PTPRT: variants seen among roughly 807,000 people sequenced by gnomAD.
The protein encoded by PTPRT is receptor-type tyrosine-protein phosphatase T.
PTPRT carries 56 observed loss-of-function variants against 176.8 expected under a neutral mutation model. That is an observed-to-expected ratio of 0.32 (90% CI 0.26 to 0.40). The LOEUF (loss-of-function observed/expected upper bound fraction) is 0.40, where lower values mean the gene tolerates loss of function less well. Ranked by LOEUF, PTPRT falls within the 10% of genes least tolerant of loss-of-function variation. The pLI is 1.00. For synonymous variants in PTPRT, 783 were observed against 739.0 expected (o/e 1.06, Z -0.96); for missense variants, 1,540 against 1,908.2 (o/e 0.81, Z 3.60).
At chr20:42,604,032 A>T (rs1172890636) in intron 7 of PTPRT, among the ~76,000 whole-genome samples, 1 of 152,242 alleles carries the variant, frequency 6.6e-6, no homozygotes, top group Non-Finnish European at 1.5e-5. Context: ...GCACATAAAT[A>T]CACTGAAAAG....
chr20:43,158,658 C>T (rs899711970), intron 1 of PTPRT, among the ~76,000 whole-genome samples: 11 of 152,168 alleles, frequency 7.2e-5, no homozygotes, highest in South Asian at 2.1e-4. Flanking sequence ...GCAAGGCACC[C>T]CAAGGGGTAC....
intron 7 of PTPRT, among the ~76,000 whole-genome samples, chr20:42,583,207 G>C (rs1409395748): frequency 6.6e-6 from 1 of 152,154 alleles, no homozygotes; most frequent in Non-Finnish European, 1.5e-5. Context: ...TACATTCTTA[G>C]AGACTCTGTA....
At position 42,075,891 on chromosome 20, in the gene PTPRT, T is replaced by C. The variant is rs1982720523; in HGVS notation, c.*4988A>G. The C allele has an allele frequency of 4.8e-6, 1 of 207,236 alleles. No homozygotes were observed. Among genetic ancestry groups the C allele is most frequent in the Non-Finnish European group, 9.8e-6 (1 of 101,578 alleles). 12.8% of individuals were successfully genotyped at this position (207,236 alleles called of 1,614,324 possible). ...GATTTGCCCTTGTTCCAAGTGGCTC[T>C]GGCAAGCTGTTACCCATCCTTTCTC... On this transcript the variant is annotated 3_prime_UTR_variant, in exon 31 of 31. Coordinates refer to ENST00000373187, the MANE Select transcript of PTPRT (RefSeq NM_007050.6).
At chr20:42,642,836 T>C (rs1355249346) in intron 7 of PTPRT, among the ~76,000 whole-genome samples, 2 of 152,110 alleles carry the variant, frequency 1.3e-5, no homozygotes, top group Admixed American at 6.5e-5. Flanking sequence ...TGGATCTGTA[T>C]TTGACTTGTA....
At chr20:43,070,410 A>G (rs2011164652) in intron 1 of PTPRT, among the ~76,000 whole-genome samples, 1 of 152,174 alleles carries the variant, frequency 6.6e-6, no homozygotes, top group Non-Finnish European at 1.5e-5. Flanking sequence ...TGTGGAAGAC[A>G]CTGTGGTGAT....
At chr20:42,682,728 C>A (rs1418497170) in intron 6 of PTPRT, among the ~76,000 whole-genome samples, 1 of 152,158 alleles carries the variant, frequency 6.6e-6, no homozygotes, top group Non-Finnish European at 1.5e-5. Flanking sequence ...TCCATGAGAC[C>A]TGGGCAGCAG....
At chr20:42,316,028 A>G in intron 11 of PTPRT, 32 bp from the exon 12 acceptor site, 2 of 1,607,838 alleles carry the variant, frequency 1.2e-6, no homozygotes, top group South Asian at 2.2e-5. Flanking sequence ...CAGATGGTTG[A>G]GCAACTTTCT....
rs146947696 is a variant in PTPRT, at chr20:43,109,089, C to T, written c.88+80557G>A. 9.1e-3 allele frequency among the ~76,000 whole-genome samples: 1,377 copies of T among 152,010 alleles called. 21 individuals carry two copies. The highest frequency in any genetic ancestry group is 0.031 in the African/African-American group (1,289 of 41,454). On this transcript the variant is annotated intron_variant, in intron 1 of 30. Transcript: ENST00000373187. ...TTCCCATTTTCTATTTTTTTTTCCC[C>T]GCTTTCCCTTTCTCTGCTGTTTTCC... is the stretch of plus-strand genomic sequence containing the variant.
chr20:43,162,807 G>GT (rs2014734698), intron 1 of PTPRT, among the ~76,000 whole-genome samples: 1 of 126,650 alleles, frequency 7.9e-6, no homozygotes, highest in Non-Finnish European at 1.9e-5. Flanking sequence ...TCTTCTGTCT[G>GT]CTCCCCATCT....
the PTPRT span, among the ~76,000 whole-genome samples, chr20:42,063,295 A>G: frequency 2.8e-3 from 427 of 152,180 alleles, 1 homozygote; most frequent in African/African-American, 9.9e-3. Context: ...GACATATGGT[A>G]CCTCTCTGAG....
chr20:42,831,025 A>G (rs1281078916), intron 2 of PTPRT, among the ~76,000 whole-genome samples: 1 of 152,202 alleles, frequency 6.6e-6, no homozygotes, highest in Non-Finnish European at 1.5e-5. Flanking sequence ...AACTAGAAAA[A>G]TCTATTTTAA....
At chr20:42,559,380 C>T (rs2072912870) in intron 7 of PTPRT, among the ~76,000 whole-genome samples, 1 of 152,166 alleles carries the variant, frequency 6.6e-6, no homozygotes, top group Non-Finnish European at 1.5e-5. Flanking sequence ...ACATATGTAA[C>T]TTATGCAAAG....
At position 42,686,457 on chromosome 20, in the gene PTPRT, C is replaced by CTTT. The variant is rs71193668; in HGVS notation, c.860-8301_860-8299dup. ...TAGCACTTCCAGCTCATAGTGCACT[C>CTTT]TTTTTTTTTTTTTTTTTTTTTTTTT... On this transcript the variant is annotated intron_variant, in intron 6 of 30. Transcript: ENST00000373187. 6 of 78,376 alleles carry CTTT rather than the reference C, an allele frequency of 7.7e-5. 1 individual carries two copies. Among genetic ancestry groups the CTTT allele is most frequent in the Admixed American group, 3.6e-4 (2 of 5,612 alleles). The allele number at this position is 78,376 out of a possible 1,614,324, so 4.9% of individuals were successfully genotyped here.
At chr20:42,147,878 G>C (rs1441486269) in intron 17 of PTPRT, among the ~76,000 whole-genome samples, 1 of 152,082 alleles carries the variant, frequency 6.6e-6, no homozygotes, top group East Asian at 1.9e-4. Context: ...CCCCGTAATT[G>C]GCAGACTTTG....
intron 8 of PTPRT, among the ~76,000 whole-genome samples, chr20:42,455,538 G>A (rs1038564267): frequency 1.3e-5 from 2 of 152,130 alleles, no homozygotes; most frequent in East Asian, 1.9e-4. Context: ...CTGAAGTCAT[G>A]AGAATATTTG....
intron 2 of PTPRT, among the ~76,000 whole-genome samples, chr20:42,836,951 G>A (rs2078191284): frequency 6.6e-6 from 1 of 152,156 alleles, no homozygotes; most frequent in African/African-American, 2.4e-5. Context: ...GTCCAGTGTG[G>A]CTCAGCAAGG....
chr20:42,139,225 C>CTCTTGCCCTGA (rs1481907737), intron 18 of PTPRT, among the ~76,000 whole-genome samples: 1 of 152,172 alleles, frequency 6.6e-6, no homozygotes, highest in Non-Finnish European at 1.5e-5. Context: ...TGCAGACCTG[C>CTCTTGCCCTGA]TCTTGCCCTG....
At chr20:42,300,292 A>T (rs1048776358) in intron 12 of PTPRT, among the ~76,000 whole-genome samples, 1 of 150,704 alleles carries the variant, frequency 6.6e-6, no homozygotes, top group Non-Finnish European at 1.5e-5. Flanking sequence ...AGACAGAAAG[A>T]TAGATGGATA....
chr20:42,406,174 G>T (rs1054489197), intron 9 of PTPRT, among the ~76,000 whole-genome samples: 1 of 151,732 alleles, frequency 6.6e-6, no homozygotes, highest in African/African-American at 2.4e-5. Context: ...AAGAATATAA[G>T]AGCTAAAAAT....
Sources: gnomAD v4.1 joint callset for allele counts (sites outside exome capture counted in the v4.1 genomes callset) on GRCh38, gnomAD v4.1.1 for gene constraint, MANE v1.5 for transcripts, NCBI Gene and HGNC (gene_info 2026-07-23, HGNC 2026-07-21) for gene names.